DPP6: variants seen among roughly 807,000 people sequenced by gnomAD.
DPP6 encodes the protein A-type potassium channel modulatory protein DPP6.
In DPP6, 69 loss-of-function variants were observed where a neutral mutation model predicts 122.6. That is an observed-to-expected ratio of 0.56 (90% CI 0.46 to 0.69). The LOEUF (loss-of-function observed/expected upper bound fraction) is 0.69, where lower values mean the gene tolerates loss of function less well. Ranked by LOEUF, DPP6 falls within the 30% of genes least tolerant of loss-of-function variation. DPP6 has a pLI of 0.00. For synonymous variants in DPP6, 418 were observed against 433.1 expected, an observed-to-expected ratio of 0.97 and a Z score of 0.43; for missense variants, 928 against 1,116.9, an observed-to-expected ratio of 0.83 and a Z score of 2.41.
chr7:154,760,647 G>A lies in DPP6; in HGVS notation c.884-8770G>A, dbSNP rs940687067. Among the ~76,000 whole-genome samples, 1 of 152,162 alleles carries A rather than the reference G, an allele frequency of 6.6e-6. No individual in the cohort carries two copies. The highest frequency in any genetic ancestry group is 2.4e-5 in the African/African-American group (1 of 41,446). ...ACCCAGTCGATTAACAAATGAGTGA[G>A]AAACGAGAACATCCTTGCCACACTG... is the stretch of plus-strand genomic sequence containing the variant. On this transcript the variant is annotated intron_variant, in intron 8 of 25. Coordinates refer to ENST00000377770, the MANE Select transcript of DPP6 (RefSeq NM_130797.4). This position sits in a 1 kb window ranked among gnomAD's most constrained non-coding sequence, Gnocchi z 4.5.
chr7:154,079,847 G>A (rs2533680), intron 1 of DPP6, among the ~76,000 whole-genome samples: 89,394 of 150,956 alleles, frequency 0.59, 26,617 homozygotes, highest in African/African-American at 0.66. Context: ...ACAACTGCAC[G>A]ATGGCACAGT....
chr7:154,146,804 G>C (rs1180317336), intron 1 of DPP6, among the ~76,000 whole-genome samples: 1 of 152,132 alleles, frequency 6.6e-6, no homozygotes, highest in Non-Finnish European at 1.5e-5. Flanking sequence ...GGTGGAGGGA[G>C]CAAGCCGCGC....
chr7:154,701,775 T>C (rs1288064938), intron 7 of DPP6, among the ~76,000 whole-genome samples: 2 of 152,230 alleles, frequency 1.3e-5, no homozygotes, highest in Non-Finnish European at 2.9e-5. Context: ...AGTTATTCCT[T>C]GGAAAATGTA....
chr7:153,868,630 G>T, the DPP6 span, among the ~76,000 whole-genome samples: 1 of 152,010 alleles, frequency 6.6e-6, no homozygotes, highest in Admixed American at 6.6e-5. Flanking sequence ...TTTTTGAAGG[G>T]TTTTGTGTGT....
At chr7:154,129,811 A>G (rs1348129696) in intron 1 of DPP6, among the ~76,000 whole-genome samples, 1 of 151,976 alleles carries the variant, frequency 6.6e-6, no homozygotes, top group Non-Finnish European at 1.5e-5. Flanking sequence ...GAGGCAGGAG[A>G]ATGGCACAAA....
intron 1 of DPP6, among the ~76,000 whole-genome samples, chr7:153,988,562 AG>A (rs1796962693): frequency 6.6e-6 from 1 of 152,210 alleles, no homozygotes; most frequent in South Asian, 2.1e-4. Context: ...GAGAGGGGCC[AG>A]GAAGGAGGCC....
At chr7:154,092,793 C>T (rs905193294) in intron 1 of DPP6, 2 of 151,968 alleles carry the variant, frequency 1.3e-5, no homozygotes, top group Non-Finnish European at 2.9e-5. Context: ...TTTGACTCAT[C>T]AAATTTTCAC....
chr7:154,195,567 C>A (rs1016957570), intron 1 of DPP6, among the ~76,000 whole-genome samples: 1 of 152,106 alleles, frequency 6.6e-6, no homozygotes, highest in Non-Finnish European at 1.5e-5. Flanking sequence ...TGGGATGACT[C>A]CAGGAAGTCT....
the DPP6 span, among the ~76,000 whole-genome samples, chr7:153,759,822 CTA>C: frequency 6.6e-6 from 1 of 152,120 alleles, no homozygotes; most frequent in South Asian, 2.1e-4. Flanking sequence ...TTTTAAGTAT[CTA>C]TGAGTTTATC....
chr7:154,812,041 G>A lies in DPP6; in HGVS notation c.1666+4929G>A, dbSNP rs188941578. Among the ~76,000 whole-genome samples, 255 of 152,264 alleles carry A rather than the reference G, an allele frequency of 1.7e-3. 1 individual carries two copies. The highest frequency in any genetic ancestry group is 2.7e-3 in the Non-Finnish European group (184 of 68,020). On this transcript the variant is annotated intron_variant, in intron 16 of 25. Coordinates refer to ENST00000377770, the MANE Select transcript of DPP6 (RefSeq NM_130797.4). The stretch of plus-strand genomic sequence containing the variant: ...GCCCACATTCAAAGCTGTTCATCCC[G>A]TCACACAGGGAGGGAAGTGTAAGTA...
the DPP6 span, among the ~76,000 whole-genome samples, chr7:153,823,253 A>G: frequency 3.7e-3 from 559 of 151,954 alleles, 3 homozygotes; most frequent in Non-Finnish European, 6.7e-3. Flanking sequence ...GCTCTCTGTG[A>G]GTCTTGACGG....
At chr7:154,731,438 C>T (rs887197497) in intron 8 of DPP6, among the ~76,000 whole-genome samples, 2 of 152,236 alleles carry the variant, frequency 1.3e-5, no homozygotes, top group African/African-American at 4.8e-5. Flanking sequence ...GCCATAGAGG[C>T]TTCTGGGAGT....
chr7:154,576,139 CTG>C (rs1395805382), intron 5 of DPP6, among the ~76,000 whole-genome samples: 3 of 152,058 alleles, frequency 2.0e-5, no homozygotes, highest in African/African-American at 7.3e-5. Flanking sequence ...AGGGACACCG[CTG>C]TGAGTCACCT....
chr7:154,355,007 C>T (rs185744968), intron 1 of DPP6, among the ~76,000 whole-genome samples: 7 of 152,300 alleles, frequency 4.6e-5, no homozygotes, highest in Admixed American at 2.0e-4. Flanking sequence ...TCTCTCCTCA[C>T]CTGCCCTTGG....
rs186131468 is a variant in DPP6, at chr7:154,015,977, A to G, written c.51+128243A>G. Among the ~76,000 whole-genome samples the G allele has an allele frequency of 1.3e-5, 2 of 152,140 alleles. 1 individual carries two copies. Among genetic ancestry groups the G allele is most frequent in the Admixed American group, 1.3e-4 (2 of 15,280 alleles). ...GCACGCCCTGTTCCTCGGCCCTTAT[A>G]AGACCCCTTTTCCCTGCACACTCCA... On this transcript the variant is annotated intron_variant, in intron 1 of 25. Coordinates refer to the DPP6 transcript ENST00000404039.
intron 1 of DPP6, among the ~76,000 whole-genome samples, chr7:154,124,582 T>A (rs1807738732): frequency 6.6e-6 from 1 of 152,240 alleles, no homozygotes; most frequent in African/African-American, 2.4e-5. Flanking sequence ...TAGAAAGCAG[T>A]AAATGGTTTC....
intron 1 of DPP6, among the ~76,000 whole-genome samples, chr7:154,063,473 A>C (rs1403804338): frequency 7.8e-6 from 1 of 127,702 alleles, no homozygotes; most frequent in African/African-American, 2.9e-5. Flanking sequence ...GCAGGGACTG[A>C]GAGCCATTCC....
chr7:154,157,807 C>T (rs943014884), intron 1 of DPP6, among the ~76,000 whole-genome samples: 5 of 151,890 alleles, frequency 3.3e-5, no homozygotes, highest in Admixed American at 6.6e-5. Context: ...GTGGCACATG[C>T]CTGTAATCCC....
At chr7:154,552,282 T>C (rs1414858688) in intron 4 of DPP6, among the ~76,000 whole-genome samples, 1 of 152,172 alleles carries the variant, frequency 6.6e-6, no homozygotes, top group East Asian at 1.9e-4. Context: ...GGAAAAGTGC[T>C]TTCGCCCCAA....
Sources: gnomAD v4.1 joint callset for allele counts (sites outside exome capture counted in the v4.1 genomes callset) on GRCh38, gnomAD v4.1.1 for gene constraint, Gnocchi (gnomAD v3.1) non-coding constraint, MANE v1.5 for transcripts, NCBI Gene and HGNC (gene_info 2026-07-23, HGNC 2026-07-21) for gene names.